The following ANGPT2 variants were observed in gnomAD, a reference collection of about 807,000 sequenced individuals.
ANGPT2 encodes angiopoietin 2.
ANGPT2 carries 28 observed loss-of-function variants against 62.9 expected under a neutral mutation model. That is an observed-to-expected ratio of 0.44 (90% CI 0.33 to 0.61). The LOEUF is 0.61. Ranked by LOEUF, ANGPT2 falls within the 20% of genes least tolerant of loss-of-function variation. The pLI is 0.03. For synonymous variants in ANGPT2, 284 were observed against 207.8 expected, an observed-to-expected ratio of 1.37 and a Z score of -3.15; for missense variants, 727 against 594.9, an observed-to-expected ratio of 1.22 and a Z score of -2.31.
chr8:6,508,797 T>C, intron 8 of ANGPT2, 135 bp downstream of exon 8: 1 of 1,248,454 alleles, frequency 8.0e-7, no homozygotes, highest in Non-Finnish European at 1.2e-6. Flanking sequence ...CATTTACCTA[T>C]ATCAAGCTAG....
At position 6,536,585 on chromosome 8, in the gene ANGPT2, A is replaced by G. The variant is rs115403415; in HGVS notation, c.289-4098T>C. Reference sequence around the variant, plus strand: ...TCTATCTTCTGGGAGCATCCTGACAAAAGAATCTGTGTTTTCTTCCAAAGA... The same window carrying G: ...TCTATCTTCTGGGAGCATCCTGACAGAAGAATCTGTGTTTTCTTCCAAAGA... On this transcript the variant is annotated intron_variant, in intron 1 of 8. Coordinates refer to ENST00000629816, the MANE Select transcript of ANGPT2 (RefSeq NM_001118887.2). Among the ~76,000 whole-genome samples, 717 of 152,320 alleles carry G rather than the reference A, an allele frequency of 4.7e-3. 5 individuals are homozygous for G. The highest frequency in any genetic ancestry group is 0.017 in the African/African-American group (689 of 41,562).
chr8:6,511,832 C>G (rs1459414971), intron 7 of ANGPT2, among the ~76,000 whole-genome samples: 1 of 151,400 alleles, frequency 6.6e-6, no homozygotes, highest in Non-Finnish European at 1.5e-5. Context: ...TGTCAGCGTA[C>G]AAGGGTAATG....
chr8:6,503,349 C>T, intron 8 of ANGPT2, 88 bp from the exon 9 acceptor site: 2 of 1,416,232 alleles, frequency 1.4e-6, no homozygotes, highest in African/African-American at 1.4e-5. Flanking sequence ...AGGCAGGAGG[C>T]ACACTGCAGG....
intron 1 of ANGPT2, among the ~76,000 whole-genome samples, chr8:6,538,007 T>A (rs1010371927): frequency 6.6e-6 from 1 of 152,230 alleles, no homozygotes; most frequent in Non-Finnish European, 1.5e-5. Flanking sequence ...AATTTTCTGG[T>A]AAATTAACAA....
Position 6,503,123 on chromosome 8 carries a change from A to G in ANGPT2, c.1466T>C (p.Met489Thr), listed in dbSNP as rs1310346103. 1.2e-6 allele frequency: 2 copies of G among 1,614,104 alleles called. No individual in the cohort carries two copies. The highest frequency in any genetic ancestry group is 8.5e-7 in the Non-Finnish European group (1 of 1,180,048). ...SGYSLKATTM[M>T]IRPADF is the part of the protein sequence containing the mutation. ...TGTTTAGAAATCTGCTGGTCGGATCATCATGGTTGTGGCCTTGAGCGAATA... is the reference window on the plus strand; with the variant it reads ...TGTTTAGAAATCTGCTGGTCGGATCGTCATGGTTGTGGCCTTGAGCGAATA... Residue 489 changes from methionine (M) to threonine (T), a missense_variant, in exon 9 of 9, where the codon ATG becomes ACG. Transcript: ENST00000629816.
chr8:6,548,482 A>C (rs545447256), intron 1 of ANGPT2, among the ~76,000 whole-genome samples: 12 of 152,248 alleles, frequency 7.9e-5, no homozygotes, highest in African/African-American at 2.9e-4. Flanking sequence ...CTCGAGGAAA[A>C]TGCTGGGTTT....
At chr8:6,511,088 G>A (rs754552449) in intron 7 of ANGPT2, among the ~76,000 whole-genome samples, 8 of 152,136 alleles carry the variant, frequency 5.3e-5, no homozygotes, top group African/African-American at 1.9e-4. Flanking sequence ...CTTTGAACAT[G>A]TTTAGTTCTC....
chr8:6,557,579 T>G (rs549939413), intron 1 of ANGPT2, among the ~76,000 whole-genome samples: 17 of 152,278 alleles, frequency 1.1e-4, no homozygotes, highest in African/African-American at 3.9e-4. Flanking sequence ...AGATGGGCCC[T>G]GTTTAATTAG....
intron 1 of ANGPT2, among the ~76,000 whole-genome samples, chr8:6,533,305 G>A (rs1057426946): frequency 3.9e-5 from 6 of 152,186 alleles, no homozygotes; most frequent in African/African-American, 1.2e-4. Context: ...AGCTATCCCT[G>A]TCTATGGCAG....
At chr8:6,521,641 T>C (rs1288206195) in intron 3 of ANGPT2, among the ~76,000 whole-genome samples, 1 of 152,224 alleles carries the variant, frequency 6.6e-6, no homozygotes, top group African/African-American at 2.4e-5. Flanking sequence ...TGCAGACTTA[T>C]GCATACACAC....
At chr8:6,506,433 G>A (rs1813745007) in intron 8 of ANGPT2, among the ~76,000 whole-genome samples, 1 of 152,030 alleles carries the variant, frequency 6.6e-6, no homozygotes, top group African/African-American at 2.4e-5. Flanking sequence ...ATTTGCCTAA[G>A]TAAATATATT....
chr8:6,553,925 G>T (rs760841624), intron 1 of ANGPT2, among the ~76,000 whole-genome samples: 3 of 152,046 alleles, frequency 2.0e-5, no homozygotes, highest in Non-Finnish European at 2.9e-5. Context: ...ACCAAGATAT[G>T]GTTTGGGCAG....
intron 8 of ANGPT2, among the ~76,000 whole-genome samples, chr8:6,504,008 G>T (rs544567686): frequency 6.6e-6 from 1 of 152,110 alleles, no homozygotes; most frequent in African/African-American, 2.4e-5. Flanking sequence ...ATATTAAATG[G>T]AAAAATCTAG....
chr8:6,535,758 G>C (rs1820370108), intron 1 of ANGPT2, among the ~76,000 whole-genome samples: 1 of 152,106 alleles, frequency 6.6e-6, no homozygotes, highest in Admixed American at 6.6e-5. Context: ...GATTTAAAAA[G>C]ATATTTGAGC....
At position 6,563,094 on chromosome 8, in the gene ANGPT2, GT is replaced by G; in HGVS notation, c.-161del. On this transcript the variant is annotated 5_prime_UTR_variant, in exon 1 of 9. The change creates a premature stop within an existing upstream ORF in the 5' untranslated region. Transcript: ENST00000629816. ...TCCTCTTTTTCCAGTAGCAAACCTG[GT>G]TTTTACTGCTGTGTTCTCTCCAGGC... is the stretch of plus-strand genomic sequence containing the variant. 2.8e-6 allele frequency: 2 copies of G among 709,194 alleles called. No individual in the cohort carries two copies. Among genetic ancestry groups the G allele is most frequent in the Non-Finnish European group, 4.5e-6 (2 of 446,538 alleles). The allele number at this position is 709,194 out of a possible 1,614,324, so 43.9% of individuals were successfully genotyped here.
At position 6,532,336 on chromosome 8, in the gene ANGPT2, G is replaced by T. The variant is rs1020960133; in HGVS notation, c.440C>A (p.Ala147Asp). 5.0e-6 allele frequency: 8 copies of T among 1,613,944 alleles called. No homozygotes were observed. The highest frequency in any genetic ancestry group is 6.8e-6 in the Non-Finnish European group (8 of 1,179,978). ...EQTRKLTDVE[A>D]QVLNQTTRLE... is the part of the protein sequence containing the mutation. ...GCTTTATGTGGCATTACTTACTTGG[G>T]CTTCCACATCAGTTAACTTCCGCGT... The change falls in exon 2 of 9, where the codon GCC becomes GAC. Residue 147 changes from alanine to aspartate, a missense_variant. Coordinates refer to ENST00000629816, the MANE Select transcript of ANGPT2 (RefSeq NM_001118887.2).
rs1824284183 is a variant in ANGPT2, at chr8:6,554,709, C to T, written c.288+7938G>A. ...GTGGAAAGTTGCTCAGAGGGAGAAC[C>T]AGTCTGATTTTGGAGAAAGTAATTA... On this transcript the variant is annotated intron_variant, in intron 1 of 8. Transcript: ENST00000629816. Among the ~76,000 whole-genome samples the T allele has an allele frequency of 2.0e-5, 3 of 152,180 alleles. No individual in the cohort carries two copies. In the Middle Eastern group the frequency reaches 0.01, roughly 518 times the overall value.
At chr8:6,519,065 A>G (rs1336727453) in intron 5 of ANGPT2, among the ~76,000 whole-genome samples, 2 of 152,184 alleles carry the variant, frequency 1.3e-5, no homozygotes, top group Admixed American at 6.5e-5. Context: ...CGTTACATGC[A>G]GTAATTGGAC....
chr8:6,523,890 A>C (rs1372095341), intron 3 of ANGPT2, among the ~76,000 whole-genome samples: 2 of 144,006 alleles, frequency 1.4e-5, no homozygotes, highest in Non-Finnish European at 3.1e-5. Context: ...CCTGGCTGGC[A>C]TTTTTTTTTT....
Sources: allele counts gnomAD v4.1 joint callset (sites outside exome capture counted in the v4.1 genomes callset), GRCh38; gene constraint gnomAD v4.1.1; transcripts MANE v1.5; gene names NCBI Gene and HGNC (gene_info 2026-07-23, HGNC 2026-07-21).